The following ZHX3 variants were observed in gnomAD, a reference collection of about 807,000 sequenced individuals.
The protein encoded by ZHX3 is zinc fingers and homeoboxes protein 3.
Under a neutral mutation model 64.5 loss-of-function variants are expected in ZHX3, and 20 were observed. That is an observed-to-expected ratio of 0.31 (90% CI 0.22 to 0.45). The LOEUF is 0.45. ZHX3 is among the 20% of genes least tolerant of loss of function. The pLI, the probability that ZHX3 is intolerant of heterozygous loss-of-function variation, is 1.00. For missense variants in ZHX3, 1,041 were observed against 1,195.8 expected (o/e 0.87, Z 1.91); for synonymous variants, 423 against 461.6 (o/e 0.92, Z 1.07).
intron 1 of ZHX3, among the ~76,000 whole-genome samples, chr20:41,281,991 A>G (rs1397841949): frequency 6.6e-6 from 1 of 152,154 alleles, no homozygotes; most frequent in Admixed American, 6.5e-5. Context: ...TGGATTCCCT[A>G]TGTGTTACAG....
intron 3 of ZHX3, among the ~76,000 whole-genome samples, chr20:41,187,236 T>A (rs1379497909): frequency 7.0e-6 from 1 of 143,038 alleles, no homozygotes; most frequent in Non-Finnish European, 1.5e-5. Context: ...GAGGCTAAGG[T>A]GGGATGACTG....
At chr20:41,260,964 T>C (rs1349530099) in intron 2 of ZHX3, among the ~76,000 whole-genome samples, 1 of 152,166 alleles carries the variant, frequency 6.6e-6, no homozygotes, top group African/African-American at 2.4e-5. Flanking sequence ...CACAGGCAAA[T>C]TGTCATCTAC....
chr20:41,297,876 C>T (rs1390414480), intron 1 of ZHX3, among the ~76,000 whole-genome samples: 1 of 152,156 alleles, frequency 6.6e-6, no homozygotes, highest in Non-Finnish European at 1.5e-5. Flanking sequence ...CATAATGTGT[C>T]AGACTTTTAC....
intron 2 of ZHX3, among the ~76,000 whole-genome samples, chr20:41,241,788 T>C (rs866637893): frequency 6.6e-6 from 1 of 152,226 alleles, no homozygotes. Context: ...GTGAAGAATG[T>C]CATTCATATT....
intron 1 of ZHX3, among the ~76,000 whole-genome samples, chr20:41,312,835 G>A (rs182974860): frequency 2.0e-3 from 300 of 152,234 alleles, no homozygotes; most frequent in Admixed American, 4.5e-3. Flanking sequence ...GTGTGGATGC[G>A]AGTCCAAGTG....
intron 2 of ZHX3, among the ~76,000 whole-genome samples, chr20:41,252,985 TCTTTTTCTATAA>T (rs1302003508): frequency 6.6e-6 from 1 of 152,132 alleles, no homozygotes. Context: ...GGAAAAGTTG[TCTTTTTCTATAA>T]CTGAGGACAT....
intron 1 of ZHX3, among the ~76,000 whole-genome samples, chr20:41,291,004 G>A (rs1430489448): frequency 6.6e-6 from 1 of 152,166 alleles, no homozygotes; most frequent in African/African-American, 2.4e-5. Flanking sequence ...GATATTTTAA[G>A]CAATATGTGG....
intron 1 of ZHX3, among the ~76,000 whole-genome samples, chr20:41,282,682 A>G (rs1442535580): frequency 6.6e-6 from 1 of 152,124 alleles, no homozygotes; most frequent in African/African-American, 2.4e-5. Flanking sequence ...CGATGCCTCT[A>G]ATGAAGTCCA....
In ZHX3 at chr20:41,203,639, C is replaced by A. The variant is rs149555303; in HGVS notation, c.1278G>T (p.Leu426=). The change falls in exon 3 of 4, where the codon CTG becomes CTT. Residue 426 remains leucine (L), a synonymous_variant. Coordinates refer to ENST00000683867, the MANE Select transcript of ZHX3 (RefSeq NM_001384317.1). The surrounding 1 kb of genome is among the most constrained non-coding windows in gnomAD (Gnocchi z 7.1). ...CATTGGCCATCAATGGCTGAGTGACCAGAAGTCCCCCTCCTGTACCCTCTG... is the reference window on the plus strand; with the variant it reads ...CATTGGCCATCAATGGCTGAGTGACAAGAAGTCCCCCTCCTGTACCCTCTG... ...GQPEGTGGGL[L]VTQPLMANGL... 5 of 1,614,056 alleles carry A rather than the reference C, an allele frequency of 3.1e-6. No homozygotes were observed. The African/African-American group carries it at 5.3e-5, about 17-fold the overall frequency.
At chr20:41,191,229 T>C (rs1481806961) in intron 3 of ZHX3, among the ~76,000 whole-genome samples, 1 of 139,830 alleles carries the variant, frequency 7.2e-6, no homozygotes, top group Non-Finnish European at 1.5e-5. Context: ...TCATTTTTTA[T>C]TCTTTTTTAT....
At chr20:41,300,137 G>T (rs558361707) in intron 1 of ZHX3, 20 of 152,156 alleles carry the variant, frequency 1.3e-4, no homozygotes, top group Non-Finnish European at 2.9e-4. Flanking sequence ...CATCACCATG[G>T]AGGCAATTGT....
At chr20:41,238,046 G>A (rs557269654) in intron 2 of ZHX3, among the ~76,000 whole-genome samples, 1 of 152,362 alleles carries the variant, frequency 6.6e-6, no homozygotes, top group Admixed American at 6.5e-5. Context: ...TGTGCACACA[G>A]TGAGCACTCA....
rs144088128 is a variant in ZHX3, at chr20:41,189,673, C to T, written c.2861-4472G>A. On this transcript the variant is annotated intron_variant, in intron 3 of 3. Coordinates refer to ENST00000683867, the MANE Select transcript of ZHX3 (RefSeq NM_001384317.1). ...GTGTATAGAAACTCTGATTTTTGTA[C>T]GTTAACTTTATATCCTGCCACTGTG... 1.9e-3 allele frequency among the ~76,000 whole-genome samples: 290 copies of T among 152,166 alleles called. 2 individuals are homozygous for T. Among genetic ancestry groups the T allele is most frequent in the African/African-American group, 6.5e-3 (269 of 41,518 alleles).
Position 41,215,770 on chromosome 20 carries a change from T to TAAA in ZHX3, c.-150-10707_-150-10705dup, listed in dbSNP as rs55922605. The stretch of plus-strand genomic sequence containing the variant: ...TAACACGGTGAAACCACGTCTCTAC[T>TAAA]AAAAAAAAAAAAAAAAAAAAAATAC... On this transcript the variant is annotated intron_variant, in intron 2 of 3. Coordinates refer to ENST00000683867, the MANE Select transcript of ZHX3 (RefSeq NM_001384317.1). Among the ~76,000 whole-genome samples, 798 of 101,090 alleles carry TAAA rather than the reference T, an allele frequency of 7.9e-3. 11 individuals are homozygous for TAAA. The highest frequency in any genetic ancestry group is 0.029 in the African/African-American group (753 of 25,720). 66.3% of individuals were successfully genotyped at this position (101,090 alleles called of 152,430 possible).
intron 2 of ZHX3, among the ~76,000 whole-genome samples, chr20:41,217,658 T>C (rs972199191): frequency 6.6e-6 from 1 of 152,172 alleles, no homozygotes; most frequent in African/African-American, 2.4e-5. Flanking sequence ...AGAATTCACT[T>C]CAATTTCATC....
intron 2 of ZHX3, among the ~76,000 whole-genome samples, chr20:41,262,736 T>C (rs1288233244): frequency 2.6e-5 from 4 of 151,898 alleles, no homozygotes; most frequent in Non-Finnish European, 4.4e-5. Context: ...GTTAACTAAC[T>C]GAATCAAAAA....
chr20:41,244,921 T>C (rs908532638), intron 2 of ZHX3, among the ~76,000 whole-genome samples: 2 of 152,162 alleles, frequency 1.3e-5, no homozygotes, highest in Non-Finnish European at 2.9e-5. Context: ...GGAGTTGGGA[T>C]ACTTACTTCA....
chr20:41,253,386 A>G (rs1299795511), intron 2 of ZHX3, among the ~76,000 whole-genome samples: 10 of 152,192 alleles, frequency 6.6e-5, no homozygotes. Flanking sequence ...ATCACTTATA[A>G]AAGTTCCAGG....
intron 2 of ZHX3, among the ~76,000 whole-genome samples, chr20:41,218,799 G>A (rs920389378): frequency 6.6e-6 from 1 of 152,144 alleles, no homozygotes; most frequent in African/African-American, 2.4e-5. Flanking sequence ...GTCAAGCCCA[G>A]AGCTGGCCTC....
Sources: gnomAD v4.1 joint callset for allele counts (sites outside exome capture counted in the v4.1 genomes callset) on GRCh38, gnomAD v4.1.1 for gene constraint, Gnocchi (gnomAD v3.1) non-coding constraint, MANE v1.5 for transcripts, NCBI Gene and HGNC (gene_info 2026-07-23, HGNC 2026-07-21) for gene names.